Variants in OPCML observed in about 807,000 individuals in gnomAD.
The protein encoded by OPCML is opioid binding protein/cell adhesion molecule like.
A neutral mutation model predicts 37.8 loss-of-function variants in OPCML; 13 were observed. The observed-to-expected ratio is 0.34, with a 90% CI of 0.22 to 0.55. The LOEUF (loss-of-function observed/expected upper bound fraction) is 0.55, where lower values mean the gene tolerates loss of function less well. OPCML is among the 20% of genes least tolerant of loss of function. OPCML has a pLI of 0.91. For missense variants in OPCML, 341 were observed against 435.6 expected (o/e 0.78, Z 1.93); for synonymous variants, 176 against 168.8 (o/e 1.04, Z -0.33).
chr11:133,456,297 C>T (rs951469754), intron 1 of OPCML, among the ~76,000 whole-genome samples: 1 of 152,116 alleles, frequency 6.6e-6, no homozygotes, highest in Non-Finnish European at 1.5e-5. Flanking sequence ...TTAAATCTCA[C>T]ACAGGTCCAA....
At chr11:132,568,858 T>G (rs1220194284) in intron 3 of OPCML, among the ~76,000 whole-genome samples, 1 of 152,236 alleles carries the variant, frequency 6.6e-6, no homozygotes, top group Non-Finnish European at 1.5e-5. Flanking sequence ...AAAAATTGTA[T>G]GTTCCTTGAA....
At chr11:133,146,338 G>C (rs1451001456) in intron 1 of OPCML, among the ~76,000 whole-genome samples, 1 of 140,260 alleles carries the variant, frequency 7.1e-6, no homozygotes, top group Non-Finnish European at 1.5e-5. Flanking sequence ...TTTTGAGACA[G>C]AGTTTCTCTC....
intron 4 of OPCML, among the ~76,000 whole-genome samples, chr11:132,469,841 GTA>G (rs1264963510): frequency 1.7e-5 from 2 of 119,832 alleles, no homozygotes; most frequent in East Asian, 6.9e-4. Flanking sequence ...GTGGGGGGCT[GTA>G]TGTGTGTGTA....
At position 132,897,351 on chromosome 11, in the gene OPCML, G is replaced by T. The variant is rs112651601; in HGVS notation, c.146+45575C>A. ...CACCAATTACCAGGTGACCGGAGCT[G>T]CCCATCATGAACTGGGTGTCATCTG... is the stretch of plus-strand genomic sequence containing the variant. On this transcript the variant is annotated intron_variant, in intron 2 of 7. Transcript: ENST00000524381. Among the ~76,000 whole-genome samples the T allele has an allele frequency of 5.3e-4, 80 of 152,254 alleles. 1 individual carries two copies. The highest frequency in any genetic ancestry group is 1.6e-3 in the African/African-American group (68 of 41,562).
chr11:132,832,319 C>A (rs902498100), intron 2 of OPCML, among the ~76,000 whole-genome samples: 12 of 148,516 alleles, frequency 8.1e-5, no homozygotes, highest in African/African-American at 3.0e-4. Flanking sequence ...AAAGGTTAAA[C>A]CAACATTCTT....
intron 4 of OPCML, among the ~76,000 whole-genome samples, chr11:132,443,059 C>A (rs11223074): frequency 0.27 from 40,466 of 152,152 alleles, 5,646 homozygotes; most frequent in Non-Finnish European, 0.3. Context: ...TAAGCATCTC[C>A]ACCCTGACTG....
rs1459457245 is a variant in OPCML at position 133,140,985 on chromosome 11, AGAAGAAGAAGAAGACGAC to A, written c.62-197993_62-197976del. ...AAGAAGAAGAAGAAGAAGAAGAAGA[AGAAGAAGAAGAAGACGAC>A]GACGACGACGACGACGACGACGACG... On this transcript the variant is annotated intron_variant, in intron 1 of 7. Transcript: ENST00000524381. 8.1e-4 allele frequency among the ~76,000 whole-genome samples: 3 copies of A among 3,726 alleles called. 1 individual carries two copies. Among genetic ancestry groups the A allele is most frequent in the African/African-American group, 1.5e-3 (3 of 2,026 alleles). 2.4% of individuals were successfully genotyped at this position (3,726 alleles called of 152,430 possible).
At chr11:132,898,480 C>A (rs925099993) in intron 2 of OPCML, among the ~76,000 whole-genome samples, 2 of 152,172 alleles carry the variant, frequency 1.3e-5, no homozygotes, top group Non-Finnish European at 2.9e-5. Context: ...TCTTACCATG[C>A]GTCCCACCAT....
At chr11:132,722,748 C>T (rs1944720033) in intron 2 of OPCML, among the ~76,000 whole-genome samples, 1 of 152,084 alleles carries the variant, frequency 6.6e-6, no homozygotes, top group Non-Finnish European at 1.5e-5. Context: ...ATGAACTGGG[C>T]AGGATCAAGT....
intron 3 of OPCML, among the ~76,000 whole-genome samples, chr11:132,587,534 T>C (rs2096475608): frequency 6.6e-6 from 1 of 152,210 alleles, no homozygotes; most frequent in Non-Finnish European, 1.5e-5. Context: ...ACACCAGTGA[T>C]GCTGAGGATG....
At chr11:132,737,236 C>A (rs1241184642) in intron 2 of OPCML, among the ~76,000 whole-genome samples, 1 of 152,134 alleles carries the variant, frequency 6.6e-6, no homozygotes. Flanking sequence ...AGATTCCAAA[C>A]AGAGATCTCA....
chr11:132,519,861 A>G (rs963119122), intron 4 of OPCML, among the ~76,000 whole-genome samples: 3 of 152,202 alleles, frequency 2.0e-5, no homozygotes, highest in Admixed American at 6.5e-5. Context: ...GAGACAAAGA[A>G]GTAGTAGCAA....
rs112947554 is a variant in OPCML at position 133,252,006 on chromosome 11, G to A, written c.61+280258C>T. Among the ~76,000 whole-genome samples, 651 of 152,276 alleles carry A rather than the reference G, an allele frequency of 4.3e-3. 4 individuals are homozygous for A. Among genetic ancestry groups the A allele is most frequent in the African/African-American group, 0.015 (610 of 41,574 alleles). Reference sequence around the variant, plus strand: ...TGCAGGAGGGCCTCCCCCCAGAGTCGACAGGGGAGTGGGCCTTTAGGAAAA... The same window carrying A: ...TGCAGGAGGGCCTCCCCCCAGAGTCAACAGGGGAGTGGGCCTTTAGGAAAA... On this transcript the variant is annotated intron_variant, in intron 1 of 7. Transcript: ENST00000524381.
chr11:133,063,919 G>A (rs1367191149), intron 1 of OPCML, among the ~76,000 whole-genome samples: 1 of 152,324 alleles, frequency 6.6e-6, no homozygotes, highest in East Asian at 1.9e-4. Flanking sequence ...AATTGAGAAC[G>A]ATTTCATGGG....
At chr11:132,473,117 T>C (rs1428527780) in intron 4 of OPCML, among the ~76,000 whole-genome samples, 1 of 152,212 alleles carries the variant, frequency 6.6e-6, no homozygotes. Context: ...ATCAGTCAAC[T>C]CTTCCATTAA....
At chr11:133,184,396 G>A (rs1416366354) in intron 1 of OPCML, among the ~76,000 whole-genome samples, 2 of 152,120 alleles carry the variant, frequency 1.3e-5, no homozygotes, top group Non-Finnish European at 2.9e-5. Flanking sequence ...TCTCAACCTT[G>A]AAGGATGGGA....
At chr11:133,516,438 G>A (rs1401848606) in intron 1 of OPCML, among the ~76,000 whole-genome samples, 1 of 152,110 alleles carries the variant, frequency 6.6e-6, no homozygotes, top group Non-Finnish European at 1.5e-5. Flanking sequence ...CACCACCGCC[G>A]CCGGGGCTGG....
chr11:133,423,227 C>T (rs1945929751), intron 1 of OPCML: 1 of 985,264 alleles, frequency 1.0e-6, no homozygotes, highest in East Asian at 1.1e-4. Context: ...ATTTTAATTG[C>T]CTCATTCTAG....
intron 2 of OPCML, among the ~76,000 whole-genome samples, chr11:132,876,201 A>C (rs1396871909): frequency 6.6e-6 from 1 of 152,194 alleles, no homozygotes; most frequent in Non-Finnish European, 1.5e-5. Flanking sequence ...ATAGTTCTTG[A>C]CAATCACTTC....
Sources: allele counts gnomAD v4.1 joint callset (sites outside exome capture counted in the v4.1 genomes callset), GRCh38; gene constraint gnomAD v4.1.1; transcripts MANE v1.5; gene names NCBI Gene and HGNC (gene_info 2026-07-23, HGNC 2026-07-21).